The following SLC30A8 variants were observed in gnomAD, a reference collection of about 807,000 sequenced individuals.
SLC30A8 encodes proton-coupled zinc antiporter SLC30A8.
In SLC30A8, 27 loss-of-function variants were observed where a neutral mutation model predicts 36.9. The ratio of observed to expected loss-of-function variants is 0.73; its 90% CI spans 0.54 to 1.01. The LOEUF (loss-of-function observed/expected upper bound fraction) is 1.01. Ranked by LOEUF, SLC30A8 falls within the 50% of genes least tolerant of loss-of-function variation. The pLI is 0.00. For missense variants in SLC30A8, 439 were observed against 452.0 expected, an observed-to-expected ratio of 0.97 and a Z score of 0.26; for synonymous variants, 164 against 172.4, an observed-to-expected ratio of 0.95 and a Z score of 0.38.
At chr8:116,974,749 G>T (rs1203915130) in intron 1 of SLC30A8, among the ~76,000 whole-genome samples, 1 of 152,092 alleles carries the variant, frequency 6.6e-6, no homozygotes, top group Non-Finnish European at 1.5e-5. Context: ...TATGTTTATT[G>T]TGGCACTATT....
At chr8:116,955,637 C>A (rs770885028) in intron 1 of SLC30A8, among the ~76,000 whole-genome samples, 2 of 150,864 alleles carry the variant, frequency 1.3e-5, no homozygotes, top group Non-Finnish European at 2.9e-5. Context: ...GGCTGAAGCA[C>A]GAGAATCGCT....
rs369550789 is a variant in SLC30A8 at position 117,145,679 on chromosome 8, G to A, written c.72-1275G>A. Among the ~76,000 whole-genome samples the A allele has an allele frequency of 7.2e-5, 11 of 152,186 alleles. No homozygotes were observed. The East Asian group carries it at 1.9e-3, about 27-fold the overall frequency. ...TCAAGATCCATGGATTTTGACATCT[G>A]CCTTCCTGACTCAATATTAGGACAC... On this transcript the variant is annotated intron_variant, in intron 1 of 7. Transcript: ENST00000456015.
chr8:117,082,805 G>GA (rs1818719888), intron 2 of SLC30A8, among the ~76,000 whole-genome samples: 1 of 151,720 alleles, frequency 6.6e-6, no homozygotes, highest in African/African-American at 2.4e-5. Context: ...CACCAGAAGA[G>GA]AAAAAAAAGC....
intron 2 of SLC30A8, among the ~76,000 whole-genome samples, chr8:117,058,288 T>A (rs1817928704): frequency 1.3e-5 from 2 of 152,232 alleles, no homozygotes; most frequent in Admixed American, 1.3e-4. Flanking sequence ...TGCATTTTAA[T>A]CCCTTATCAT....
rs564159561 is a variant in SLC30A8, at chr8:117,034,822, A to G, written c.-265-4397A>G. ...TCCTCAGGAAACTCACAATCATGGC[A>G]GAAGGGGAAGCAGGCACACCTTACA... On this transcript the variant is annotated intron_variant, in intron 1 of 10. Transcript: ENST00000427715. Among the ~76,000 whole-genome samples the G allele has an allele frequency of 2.0e-5, 3 of 152,290 alleles. No individual in the cohort carries two copies. The East Asian group carries it at 5.8e-4, about 29-fold the overall frequency.
upstream of SLC30A8, among the ~76,000 whole-genome samples, chr8:117,134,316 C>A (rs996519731): frequency 6.6e-6 from 1 of 151,976 alleles, no homozygotes; most frequent in Admixed American, 6.6e-5. Context: ...TCTGCACAAC[C>A]CCCTCTTTCT....
At chr8:117,039,908 C>A (rs1817327939) in intron 2 of SLC30A8, among the ~76,000 whole-genome samples, 1 of 152,090 alleles carries the variant, frequency 6.6e-6, no homozygotes, top group Non-Finnish European at 1.5e-5. Context: ...CTTTCTAGGC[C>A]TTTTGATAAA....
In SLC30A8 at chr8:117,019,674, C is replaced by T. The variant is rs116150437; in HGVS notation, c.-265-19545C>T. On this transcript the variant is annotated intron_variant, in intron 1 of 10. Transcript: ENST00000427715. The stretch of plus-strand genomic sequence containing the variant: ...AGCACCTAGCTCAGGGACTGGAACA[C>T]GGAGGCTGTGCTGTATTGAAAAGAA... Among the ~76,000 whole-genome samples, 358 of 152,238 alleles carry T rather than the reference C, an allele frequency of 2.4e-3. 1 individual carries two copies. The highest frequency in any genetic ancestry group is 8.2e-3 in the African/African-American group (342 of 41,534).
chr8:117,156,058 G>A (rs1331110903), intron 3 of SLC30A8, among the ~76,000 whole-genome samples: 1 of 131,966 alleles, frequency 7.6e-6, no homozygotes, highest in Non-Finnish European at 1.7e-5. Context: ...TTTTTTTTTT[G>A]AGACAGAGTC....
At chr8:117,040,686 A>G (rs1817356661) in intron 2 of SLC30A8, among the ~76,000 whole-genome samples, 1 of 152,188 alleles carries the variant, frequency 6.6e-6, no homozygotes, top group South Asian at 2.1e-4. Flanking sequence ...GAATTGGACT[A>G]ATTTCAAATT....
At chr8:117,016,005 G>A (rs1313148818) in intron 1 of SLC30A8, among the ~76,000 whole-genome samples, 1 of 152,156 alleles carries the variant, frequency 6.6e-6, no homozygotes, top group African/African-American at 2.4e-5. Flanking sequence ...GCAATGGAAT[G>A]CGCTTGAATA....
At chr8:117,164,621 C>T (rs180846536) in intron 6 of SLC30A8, among the ~76,000 whole-genome samples, 1 of 151,958 alleles carries the variant, frequency 6.6e-6, no homozygotes, top group Admixed American at 6.6e-5. Context: ...GGGGATAATA[C>T]TTTAATAAGA....
intron 2 of SLC30A8, among the ~76,000 whole-genome samples, chr8:117,055,431 A>G (rs1353194889): frequency 6.6e-6 from 1 of 152,254 alleles, no homozygotes; most frequent in East Asian, 1.9e-4. Flanking sequence ...GGACAGCAGC[A>G]GTTGCTGGGC....
At chr8:117,110,966 A>G (rs7014190) in intron 2 of SLC30A8, among the ~76,000 whole-genome samples, 59,910 of 151,890 alleles carry the variant, frequency 0.39, 14,672 homozygotes, top group African/African-American at 0.7. Context: ...AAAGGTAGCC[A>G]GGTAACATGG....
At chr8:117,147,187 A>T (rs1563626112) in intron 2 of SLC30A8, 34 bp downstream of exon 2, 1 of 1,580,596 alleles carries the variant, frequency 6.3e-7, no homozygotes, top group East Asian at 2.2e-5. Flanking sequence ...TCATTAAACA[A>T]CCAAACAAAA....
chr8:116,959,138 C>T (rs561334881), intron 1 of SLC30A8, among the ~76,000 whole-genome samples: 87 of 152,164 alleles, frequency 5.7e-4, no homozygotes, highest in African/African-American at 1.9e-3. Flanking sequence ...CATGAGCAAC[C>T]GTGCCCGGCC....
chr8:117,046,634 A>G (rs577288572), intron 2 of SLC30A8, among the ~76,000 whole-genome samples: 104 of 152,340 alleles, frequency 6.8e-4, no homozygotes, highest in African/African-American at 2.4e-3. Flanking sequence ...AATAAAAATG[A>G]GGCTATTCTA....
intron 2 of SLC30A8, among the ~76,000 whole-genome samples, chr8:117,120,359 G>A (rs1820641376): frequency 6.6e-6 from 1 of 151,842 alleles, no homozygotes; most frequent in Admixed American, 6.6e-5. Flanking sequence ...AAAAATACAT[G>A]ATGGGGAAGG....
At chr8:117,126,107 C>T (rs1383010354) in intron 2 of SLC30A8, among the ~76,000 whole-genome samples, 1 of 151,846 alleles carries the variant, frequency 6.6e-6, no homozygotes, top group Non-Finnish European at 1.5e-5. Context: ...TTCTTGCCAA[C>T]TCCAAATATT....
Sources: allele counts gnomAD v4.1 joint callset (sites outside exome capture counted in the v4.1 genomes callset), GRCh38; gene constraint gnomAD v4.1.1; transcripts MANE v1.5; gene names NCBI Gene and HGNC (gene_info 2026-07-23, HGNC 2026-07-21).